Variants in CPNE3 observed in about 807,000 individuals in gnomAD.
CPNE3 encodes copine 3, also known as copine-3.
CPNE3 carries 68 observed loss-of-function variants against 63.9 expected under a neutral mutation model. That is an observed-to-expected ratio of 1.06 (90% CI 0.87 to 1.30). The LOEUF (loss-of-function observed/expected upper bound fraction) is 1.30, where lower values mean the gene tolerates loss of function less well. Among genes scored for constraint, CPNE3 ranks in the 50% most tolerant of loss-of-function variants. The pLI is 0.00. For synonymous variants in CPNE3, 219 were observed against 197.5 expected (o/e 1.11, Z -0.91); for missense variants, 665 against 578.1 (o/e 1.15, Z -1.54).
At chr8:86,546,519 G>T in intron 9 of CPNE3, 76 bp from the exon 10 acceptor site, 12 of 1,469,738 alleles carry the variant, frequency 8.2e-6, no homozygotes, top group Non-Finnish European at 1.1e-5. Flanking sequence ...AGGAAAAAAA[G>T]TCATTCATTT....
chr8:86,557,743 A>AACACACACACATAC (rs1821353722), intron 16 of CPNE3, among the ~76,000 whole-genome samples: 2 of 151,990 alleles, frequency 1.3e-5, no homozygotes, highest in Admixed American at 1.3e-4. Flanking sequence ...TACAGAAACA[A>AACACACACACATAC]ACACACACAC....
intron 4 of CPNE3, 134 bp downstream of exon 4, chr8:86,529,258 A>G (rs1442824653): frequency 1.5e-6 from 1 of 673,870 alleles, no homozygotes; most frequent in African/African-American, 1.8e-5. Flanking sequence ...TTATATATTA[A>G]TATGATTGGC....
At chr8:86,519,543 G>T (rs1563683413) in intron 2 of CPNE3, among the ~76,000 whole-genome samples, 2 of 152,174 alleles carry the variant, frequency 1.3e-5, no homozygotes, top group Non-Finnish European at 2.9e-5. Flanking sequence ...AATAATGTGA[G>T]ATTTCATGGA....
intron 6 of CPNE3, among the ~76,000 whole-genome samples, chr8:86,535,860 G>A (rs903594132): frequency 3.1e-4 from 47 of 151,820 alleles, no homozygotes; most frequent in African/African-American, 1.1e-3. Flanking sequence ...AGTTCTTTTT[G>A]TCTTTAAGGT....
At position 86,551,235 on chromosome 8, in the gene CPNE3, G is replaced by A. The variant is rs775387257; in HGVS notation, c.1120+1G>A. Reference sequence around the variant, plus strand: ...AACCCATCCAATCCCTACTGCAATGGTAAGTTAAAAAATAAACATGAAGAC... The same window carrying A: ...AACCCATCCAATCCCTACTGCAATGATAAGTTAAAAAATAAACATGAAGAC... On this transcript the variant is annotated splice_donor_variant, in intron 14 of 16. Transcript: ENST00000517490. LOFTEE classifies it high-confidence loss of function. The A allele has an allele frequency of 5.7e-6, 9 of 1,581,330 alleles. 1 individual carries two copies. The South Asian group carries it at 6.6e-5, about 12-fold the overall frequency.
intron 6 of CPNE3, among the ~76,000 whole-genome samples, chr8:86,533,582 G>C (rs923086186): frequency 6.6e-6 from 1 of 151,316 alleles, no homozygotes; most frequent in Non-Finnish European, 1.5e-5. Flanking sequence ...TAGACTATAG[G>C]CTGGGGACTT....
Position 86,537,622 on chromosome 8 carries a change from C to A in CPNE3, c.519C>A (p.Asn173Lys). 1.9e-6 allele frequency: 3 copies of A among 1,606,740 alleles called. No individual in the cohort carries two copies. The highest frequency in any genetic ancestry group is 2.6e-6 in the Non-Finnish European group (3 of 1,173,334). The stretch of plus-strand genomic sequence containing the variant: ...TCCACAAGCAGACATCTGATGGAAA[C>A]TGGCTAATGGTTCATCGGACAGAGG... Reference protein sequence around the residue: ...LEFHKQTSDGNWLMVHRTEVV... With the variant: ...LEFHKQTSDGKWLMVHRTEVV... Residue 173 changes from asparagine (N) to lysine (K), a missense_variant, in exon 7 of 17, where the codon AAC becomes AAA. Physicochemically the swap from Asn to Lys is moderately conservative, Grantham distance 94 (BLOSUM62 0). Coordinates refer to ENST00000517490, the MANE Select transcript of CPNE3 (RefSeq NM_003909.5).
At chr8:86,522,485 C>G (rs2131425623) in intron 2 of CPNE3, among the ~76,000 whole-genome samples, 1 of 148,572 alleles carries the variant, frequency 6.7e-6, no homozygotes, top group African/African-American at 2.5e-5. Context: ...GCTAGTCTGA[C>G]CTGGGAACTC....
chr8:86,557,755 TACAC>T (rs545682862), intron 16 of CPNE3, among the ~76,000 whole-genome samples: 2 of 148,930 alleles, frequency 1.3e-5, no homozygotes. Flanking sequence ...CACACACACA[TACAC>T]ACACACACAC....
chr8:86,537,283 A>G (rs375263379), intron 6 of CPNE3, among the ~76,000 whole-genome samples: 1 of 152,248 alleles, frequency 6.6e-6, no homozygotes, highest in Admixed American at 6.5e-5. Flanking sequence ...AACATATTTT[A>G]TGGTATATTT....
At chr8:86,525,290 A>T (rs1820517712) in intron 2 of CPNE3, among the ~76,000 whole-genome samples, 2 of 152,186 alleles carry the variant, frequency 1.3e-5, no homozygotes, top group Admixed American at 6.5e-5. Context: ...CCCAGCTCCC[A>T]TTATGATTTG....
chr8:86,559,026 A>G lies in CPNE3; in HGVS notation c.*616A>G, dbSNP rs1821381334. ...GTACTGAATGAGCAGGAAAAGGCAC[A>G]TACTCAGTTTTTTAAATGTACAATC... On this transcript the variant is annotated 3_prime_UTR_variant, in exon 17 of 17. Coordinates refer to ENST00000517490, the MANE Select transcript of CPNE3 (RefSeq NM_003909.5). 3 of 152,344 alleles carry G rather than the reference A, an allele frequency of 2.0e-5. No homozygotes were observed. The highest frequency in any genetic ancestry group is 4.1e-4 in the South Asian group (2 of 4,834). The allele number at this position is 152,344 out of a possible 1,614,324, so 9.4% of individuals were successfully genotyped here.
At chr8:86,557,765 C>G (rs1257917745) in intron 16 of CPNE3, among the ~76,000 whole-genome samples, 1 of 152,120 alleles carries the variant, frequency 6.6e-6, no homozygotes, top group Non-Finnish European at 1.5e-5. Flanking sequence ...TACACACACA[C>G]ACACACACAA....
chr8:86,548,438 A>C lies in CPNE3; in HGVS notation c.1013+4A>C. The C allele has an allele frequency of 6.2e-7, 1 of 1,613,834 alleles. No individual in the cohort carries two copies. Among genetic ancestry groups the C allele is most frequent in the Non-Finnish European group, 8.5e-7 (1 of 1,179,936 alleles). ...TGGTCATTCAAGATTATGATGCGTG[A>C]GTATGACTTTGGAAAAACTAAAATA... On this transcript the variant is annotated splice_donor_region_variant and intron_variant, in intron 12 of 16. Coordinates refer to ENST00000517490, the MANE Select transcript of CPNE3 (RefSeq NM_003909.5).
intron 2 of CPNE3, among the ~76,000 whole-genome samples, chr8:86,519,807 T>C (rs1820392162): frequency 1.3e-5 from 2 of 152,134 alleles, no homozygotes. Context: ...TCCGCCTCCC[T>C]GGTTCAAGCG....
intron 7 of CPNE3, 122 bp downstream of exon 7, chr8:86,537,768 A>G (rs1192245792): frequency 1.5e-6 from 1 of 645,378 alleles, no homozygotes; most frequent in Non-Finnish European, 2.8e-6. Flanking sequence ...ATAGCCAGAG[A>G]CACAAGATCA....
chr8:86,534,348 C>T (rs1405901161), intron 6 of CPNE3, among the ~76,000 whole-genome samples: 1 of 152,026 alleles, frequency 6.6e-6, no homozygotes, highest in African/African-American at 2.4e-5. Context: ...ATGATAACTA[C>T]CTGGTTTTAT....
rs1327082540 is a variant in CPNE3 at position 86,528,586 on chromosome 8, C to G, written c.41C>G (p.Ser14Cys). 6 of 1,613,880 alleles carry G rather than the reference C, an allele frequency of 3.7e-6. No individual in the cohort carries two copies. The African/African-American group carries it at 8.0e-5, about 22-fold the overall frequency. The stretch of plus-strand genomic sequence containing the variant: ...GTCACAAAGGTGGCGCTGAATGTTT[C>G]CTGTGCCAATCTTTTGGATAAAGAT... ...QCVTKVALNV[S>C]CANLLDKDIG... Residue 14 changes from serine to cysteine, a missense_variant, in exon 3 of 17, where the codon TCC becomes TGC. Coordinates refer to ENST00000517490, the MANE Select transcript of CPNE3 (RefSeq NM_003909.5).
intron 6 of CPNE3, among the ~76,000 whole-genome samples, chr8:86,535,394 C>T (rs1820781542): frequency 6.6e-6 from 1 of 151,840 alleles, no homozygotes; most frequent in African/African-American, 2.4e-5. Context: ...GAATTACTGG[C>T]CGGCCATGAT....
Sources: allele counts gnomAD v4.1 joint callset (sites outside exome capture counted in the v4.1 genomes callset), GRCh38; gene constraint gnomAD v4.1.1; transcripts MANE v1.5; gene names NCBI Gene and HGNC (gene_info 2026-07-23, HGNC 2026-07-21).